OLFM3: variants seen among roughly 807,000 people sequenced by gnomAD.
OLFM3 encodes the protein noelin-3.
OLFM3 carries 20 observed loss-of-function variants against 48.6 expected under a neutral mutation model. The ratio of observed to expected loss-of-function variants is 0.41; its 90% confidence interval spans 0.29 to 0.60. The LOEUF (loss-of-function observed/expected upper bound fraction) is 0.60. Ranked by LOEUF, OLFM3 falls within the 20% of genes least tolerant of loss-of-function variation. The probability of loss-of-function intolerance (pLI) is 0.28; values close to 1 mark genes in which losing one functional copy is unlikely to be tolerated. For synonymous variants in OLFM3, 222 were observed against 198.1 expected (o/e 1.12, Z -1.01); for missense variants, 437 against 544.3 (o/e 0.80, Z 1.96).
chr1:101,896,631 A>G (rs1658212775), intron 1 of OLFM3, among the ~76,000 whole-genome samples: 2 of 147,538 alleles, frequency 1.4e-5, no homozygotes, highest in African/African-American at 5.0e-5. Context: ...AGTAGCTGGG[A>G]CTACAGGCGC....
At chr1:101,874,324 C>T (rs1657208322) in intron 1 of OLFM3, among the ~76,000 whole-genome samples, 1 of 151,738 alleles carries the variant, frequency 6.6e-6, no homozygotes, top group Non-Finnish European at 1.5e-5. Context: ...AACATTGTCC[C>T]CATCACTAAA....
At chr1:101,916,410 T>A (rs984770879) in intron 1 of OLFM3, among the ~76,000 whole-genome samples, 2 of 135,246 alleles carry the variant, frequency 1.5e-5, no homozygotes, top group African/African-American at 5.5e-5. Flanking sequence ...CCTTTTTTTT[T>A]AATTTTTATT....
intron 1 of OLFM3, among the ~76,000 whole-genome samples, chr1:101,875,106 T>C (rs1657246091): frequency 6.6e-6 from 1 of 152,134 alleles, no homozygotes; most frequent in Non-Finnish European, 1.5e-5. Context: ...AAATTCACTG[T>C]TAATGAAGAA....
chr1:101,836,410 A>C (rs1655410232), intron 2 of OLFM3, among the ~76,000 whole-genome samples: 2 of 152,366 alleles, frequency 1.3e-5, no homozygotes, highest in South Asian at 4.1e-4. Flanking sequence ...TAATGTTAAA[A>C]GGAATCACTT....
chr1:101,871,856 T>C (rs761076248), intron 1 of OLFM3, among the ~76,000 whole-genome samples: 25 of 152,130 alleles, frequency 1.6e-4, no homozygotes, highest in Non-Finnish European at 2.1e-4. Flanking sequence ...ATATGTATTT[T>C]AGCTACTTAT....
Position 101,960,972 on chromosome 1 carries a change from CTT to C in OLFM3, c.69+35774_69+35775del, listed in dbSNP as rs1217550155. 3.3e-3 allele frequency among the ~76,000 whole-genome samples: 506 copies of C among 152,184 alleles called. 6 individuals carry two copies. Among genetic ancestry groups the C allele is most frequent in the African/African-American group, 0.012 (492 of 41,540 alleles). On this transcript the variant is annotated intron_variant, in intron 1 of 5. Coordinates refer to ENST00000370103, the MANE Select transcript of OLFM3 (RefSeq NM_058170.4). ...TTGAGTGTTTAGTACTTAAATAAGT[CTT>C]AAGCTTAAGAATAAGTTGAACAGAA...
intron 1 of OLFM3, among the ~76,000 whole-genome samples, chr1:101,877,537 T>C (rs1657348440): frequency 6.6e-6 from 1 of 151,924 alleles, no homozygotes; most frequent in Non-Finnish European, 1.5e-5. Flanking sequence ...TCATCAGAAG[T>C]TACTTTTGTA....
chr1:101,893,200 A>G, intron 1 of OLFM3: 2 of 290,952 alleles, frequency 6.9e-6, no homozygotes, highest in Admixed American at 3.8e-5. Context: ...ACAAGAAAAC[A>G]GGCTCTGCAA....
At chr1:101,959,554 T>G (rs1008646625) in intron 1 of OLFM3, among the ~76,000 whole-genome samples, 1 of 152,180 alleles carries the variant, frequency 6.6e-6, no homozygotes. Context: ...TATTTGGATA[T>G]TATCAGTTCT....
chr1:101,909,114 C>T lies in OLFM3; in HGVS notation c.70-72089G>A, dbSNP rs895922702. On this transcript the variant is annotated intron_variant, in intron 1 of 5. Coordinates refer to ENST00000370103, the MANE Select transcript of OLFM3 (RefSeq NM_058170.4). Reference sequence around the variant, plus strand: ...AATTTCCTGTCTCCACTCAGTTATACAATACATTTCTCACTCTGCCCTGGG... The same window carrying T: ...AATTTCCTGTCTCCACTCAGTTATATAATACATTTCTCACTCTGCCCTGGG... Among the ~76,000 whole-genome samples the T allele has an allele frequency of 3.3e-5, 5 of 152,170 alleles. No individual in the cohort carries two copies. In the East Asian group the frequency reaches 5.8e-4, roughly 18 times the overall value.
At chr1:101,853,774 G>A (rs1419109158) in intron 1 of OLFM3, among the ~76,000 whole-genome samples, 2 of 152,054 alleles carry the variant, frequency 1.3e-5, no homozygotes, top group East Asian at 1.9e-4. Flanking sequence ...ATGTTTTTAT[G>A]TGTGCATGAT....
chr1:101,851,849 C>G (rs933007537), intron 1 of OLFM3, among the ~76,000 whole-genome samples: 6 of 152,078 alleles, frequency 3.9e-5, no homozygotes, highest in Admixed American at 6.6e-5. Flanking sequence ...TTGTTTTGGA[C>G]AATCATGCAT....
intron 1 of OLFM3, among the ~76,000 whole-genome samples, chr1:101,903,370 C>T (rs1457276794): frequency 6.6e-6 from 1 of 151,966 alleles, no homozygotes; most frequent in Non-Finnish European, 1.5e-5. Flanking sequence ...ACTGATGACA[C>T]TAGGATAAGC....
intron 1 of OLFM3, among the ~76,000 whole-genome samples, chr1:101,890,424 C>A (rs1267144964): frequency 1.3e-5 from 2 of 151,790 alleles, no homozygotes; most frequent in Non-Finnish European, 1.5e-5. Flanking sequence ...GTGAGGAAAT[C>A]TTGCCAGGAC....
intron 4 of OLFM3, among the ~76,000 whole-genome samples, chr1:101,820,783 A>C (rs1654574140): frequency 6.6e-6 from 1 of 152,100 alleles, no homozygotes. Flanking sequence ...GTATGCTGTG[A>C]CATTTATTTA....
At chr1:101,901,147 C>T (rs1658374083) in intron 1 of OLFM3, among the ~76,000 whole-genome samples, 1 of 149,878 alleles carries the variant, frequency 6.7e-6, no homozygotes, top group Admixed American at 6.6e-5. Context: ...CTGGCTAAGA[C>T]CAGCACCCCT....
intron 1 of OLFM3, among the ~76,000 whole-genome samples, chr1:101,848,218 T>C (rs777914396): frequency 4.6e-5 from 7 of 152,084 alleles, no homozygotes; most frequent in Non-Finnish European, 7.4e-5. Context: ...AAACAAAATA[T>C]GGATGAATGA....
intron 1 of OLFM3, among the ~76,000 whole-genome samples, chr1:101,846,671 G>T (rs751052766): frequency 4.6e-4 from 70 of 152,056 alleles, no homozygotes; most frequent in Non-Finnish European, 8.8e-4. Flanking sequence ...CATTTTTGGG[G>T]TATAACTATA....
chr1:101,869,282 G>A (rs1471859909), intron 1 of OLFM3, among the ~76,000 whole-genome samples: 3 of 152,204 alleles, frequency 2.0e-5, no homozygotes, highest in East Asian at 1.9e-4. Context: ...AGCTACCCAA[G>A]GCTCTGGGAG....
Sources: allele counts gnomAD v4.1 joint callset (sites outside exome capture counted in the v4.1 genomes callset), GRCh38; gene constraint gnomAD v4.1.1; transcripts MANE v1.5; gene names NCBI Gene and HGNC (gene_info 2026-07-23, HGNC 2026-07-21).